CD6: variants seen among roughly 807,000 people sequenced by gnomAD.
CD6 encodes the protein CD6 molecule.
Under a neutral mutation model 75.3 loss-of-function variants are expected in CD6, and 53 were observed. The observed-to-expected ratio is 0.70, with a 90% CI of 0.56 to 0.88. The LOEUF (loss-of-function observed/expected upper bound fraction) is 0.88, where lower values mean the gene tolerates loss of function less well. Among genes scored for constraint, CD6 ranks in the 40% least tolerant of loss-of-function variants. The pLI is 0.00. For missense variants in CD6, 770 were observed against 897.1 expected, an observed-to-expected ratio of 0.86 and a Z score of 1.81; for synonymous variants, 359 against 381.5, an observed-to-expected ratio of 0.94 and a Z score of 0.69.
intron 1 of CD6, 125 bp downstream of exon 1, chr11:60,972,039 A>G: frequency 1.0e-6 from 1 of 982,052 alleles, no homozygotes; most frequent in Non-Finnish European, 1.6e-6. Flanking sequence ...GACTACACTC[A>G]GGTACCAGGG....
rs576515942 is a variant in CD6 at position 61,008,968 on chromosome 11, G to A, written c.781+123G>A. On this transcript the variant is annotated intron_variant, in intron 4 of 12. Coordinates refer to ENST00000313421, the MANE Select transcript of CD6 (RefSeq NM_006725.5). ...GCCCTTGAGATGTCACAGTTCAGGAGGGGAGATGAGACTGAGACAAACATA... is the reference window on the plus strand; with the variant it reads ...GCCCTTGAGATGTCACAGTTCAGGAAGGGAGATGAGACTGAGACAAACATA... 3 of 812,892 alleles carry A rather than the reference G, an allele frequency of 3.7e-6. No individual in the cohort carries two copies. The Admixed American group carries it at 9.1e-5, about 25-fold the overall frequency. The allele number at this position is 812,892 out of a possible 1,614,324, so 50.4% of individuals were successfully genotyped here.
chr11:61,009,505 C>T, intron 4 of CD6, 67 bp from the exon 5 acceptor site: 1 of 1,436,408 alleles, frequency 7.0e-7, no homozygotes, highest in Non-Finnish European at 9.3e-7. Flanking sequence ...ACTGGTGGGT[C>T]TGGGCTGGCG....
At chr11:60,987,586 G>A (rs1368155434) in intron 1 of CD6, among the ~76,000 whole-genome samples, 1 of 151,386 alleles carries the variant, frequency 6.6e-6, no homozygotes, top group African/African-American at 2.4e-5. Context: ...TGGTGTGTGT[G>A]TATGGTGGGG....
chr11:61,006,807 G>A (rs1858881441), intron 2 of CD6, among the ~76,000 whole-genome samples, 165 bp downstream of exon 2: 1 of 152,146 alleles, frequency 6.6e-6, no homozygotes, highest in Non-Finnish European at 1.5e-5. Context: ...AATTCACTTT[G>A]AGGTCGTAGA....
chr11:61,008,246 C>T, intron 3 of CD6: 1 of 481,824 alleles, frequency 2.1e-6, no homozygotes, highest in Non-Finnish European at 3.7e-6. Flanking sequence ...CCCCTTTCGC[C>T]ATATACATAA....
rs776532953 is a variant in CD6 at position 61,007,852 on chromosome 11, C to A, written c.411C>A (p.Cys137Ter). 7.1e-7 allele frequency: 1 copy of A among 1,409,086 alleles called. No homozygotes were observed. 87.3% of individuals were successfully genotyped at this position (1,409,086 alleles called of 1,614,324 possible). ...LLCSGAEWRL[C>*]EVVEHACRSD... ...GCAGCGGCGCCGAGTGGCGGCTCTG[C>A]GAGGTGGTGGAGCACGCGTGCCGCA... The change falls in exon 3 of 13, where the codon TGC becomes TGA. Residue 137 changes from cysteine (C) to a stop codon, truncating the protein, a stop_gained. Coordinates refer to ENST00000313421, the MANE Select transcript of CD6 (RefSeq NM_006725.5). LOFTEE classifies it high-confidence loss of function. This position sits in a 1 kb window ranked among gnomAD's most constrained non-coding sequence, Gnocchi z 4.2.
chr11:60,981,926 T>C (rs113141444), intron 1 of CD6, among the ~76,000 whole-genome samples: 66 of 151,764 alleles, frequency 4.3e-4, no homozygotes, highest in African/African-American at 1.6e-3. Context: ...TATGGAAGGG[T>C]GCCCCTGGGT....
At position 61,019,408 on chromosome 11, in the gene CD6, C is replaced by A; in HGVS notation, c.*90C>A. 9.9e-7 allele frequency: 1 copy of A among 1,012,150 alleles called. No individual in the cohort carries two copies. The highest frequency in any genetic ancestry group is 1.5e-6 in the Non-Finnish European group (1 of 684,270). The allele number at this position is 1,012,150 out of a possible 1,614,324, so 62.7% of individuals were successfully genotyped here. On this transcript the variant is annotated 3_prime_UTR_variant, in exon 13 of 13. Transcript: ENST00000313421. ...TTTCCCCTTTCCCACCCTCCCAGCTCACCTCCCCATGGAGCTGAGAGGCCT... is the reference window on the plus strand; with the variant it reads ...TTTCCCCTTTCCCACCCTCCCAGCTAACCTCCCCATGGAGCTGAGAGGCCT...
At chr11:60,982,670 G>C (rs1477047339) in intron 1 of CD6, 1 of 456,066 alleles carries the variant, frequency 2.2e-6, no homozygotes, top group Non-Finnish European at 4.4e-6. Flanking sequence ...GAAATATGTT[G>C]CTTTGCCGGG....
Position 61,020,345 on chromosome 11 carries a change from T to A in CD6, c.*1027T>A. 1 of 398,956 alleles carries A rather than the reference T, an allele frequency of 2.5e-6. No homozygotes were observed. The allele number at this position is 398,956 out of a possible 1,614,324, so 24.7% of individuals were successfully genotyped here. On this transcript the variant is annotated 3_prime_UTR_variant, in exon 13 of 13. Transcript: ENST00000313421. ...CCAGGCTTTGTTGTCCTGCTCTGAG[T>A]ATCCTGAGATTAAACTGAATTGCTG...
At chr11:60,982,245 G>C (rs1315223304) in intron 1 of CD6, among the ~76,000 whole-genome samples, 1 of 152,168 alleles carries the variant, frequency 6.6e-6, no homozygotes, top group Non-Finnish European at 1.5e-5. Context: ...CTGACTTGGA[G>C]TCATGTACTG....
chr11:60,997,283 C>G (rs1246178220), intron 1 of CD6, among the ~76,000 whole-genome samples: 2 of 151,218 alleles, frequency 1.3e-5, no homozygotes, highest in African/African-American at 4.9e-5. Context: ...GGCGCTGAGG[C>G]AGGAGAATCG....
chr11:60,979,209 A>G (rs1166578270), intron 1 of CD6, among the ~76,000 whole-genome samples: 1 of 152,190 alleles, frequency 6.6e-6, no homozygotes, highest in African/African-American at 2.4e-5. Context: ...CCTAAATGCA[A>G]ACTCCTAGCC....
At chr11:60,997,402 A>G (rs1474086354) in intron 1 of CD6, among the ~76,000 whole-genome samples, 1 of 150,542 alleles carries the variant, frequency 6.6e-6, no homozygotes, top group Non-Finnish European at 1.5e-5. Context: ...ATAAAATAAA[A>G]TAAAATAAAA....
intron 1 of CD6, among the ~76,000 whole-genome samples, chr11:60,999,617 A>AT (rs201610061): frequency 1.6e-4 from 24 of 151,078 alleles, no homozygotes; most frequent in African/African-American, 3.2e-4. Flanking sequence ...CTCCCTGTAA[A>AT]TTTTTTTTTG....
At chr11:61,015,919 A>C (rs1344032213) in intron 9 of CD6, 84 bp downstream of exon 9, 1 of 1,501,468 alleles carries the variant, frequency 6.7e-7, no homozygotes, top group Non-Finnish European at 9.1e-7. Flanking sequence ...CAGTAGTCCC[A>C]CCTAGTAACC....
intron 6 of CD6, among the ~76,000 whole-genome samples, chr11:61,011,701 C>A (rs1178463500): frequency 2.0e-5 from 3 of 152,218 alleles, no homozygotes; most frequent in African/African-American, 7.2e-5. Flanking sequence ...AACTGACAAC[C>A]AAGGCTCTGA....
chr11:61,009,432 G>A, intron 4 of CD6, 140 bp from the exon 5 acceptor site: 1 of 755,110 alleles, frequency 1.3e-6, no homozygotes, highest in South Asian at 1.9e-5. Context: ...GTGACAGGGG[G>A]ACACAGACAC....
chr11:61,015,882 G>T, intron 9 of CD6, 47 bp downstream of exon 9: 1 of 1,609,392 alleles, frequency 6.2e-7, no homozygotes. Context: ...CTGAATCTGG[G>T]AGGGGGCCCC....
Sources: allele counts gnomAD v4.1 joint callset (sites outside exome capture counted in the v4.1 genomes callset), GRCh38; gene constraint gnomAD v4.1.1; non-coding constraint Gnocchi (gnomAD v3.1); transcripts MANE v1.5; gene names NCBI Gene and HGNC (gene_info 2026-07-23, HGNC 2026-07-21).